SLC7A1: variants seen among roughly 807,000 people sequenced by gnomAD.
The protein encoded by SLC7A1 is high affinity cationic amino acid transporter 1.
A neutral mutation model predicts 53.9 loss-of-function variants in SLC7A1; 10 were observed. That is an observed-to-expected ratio of 0.19 (90% CI 0.11 to 0.31). SLC7A1 has a LOEUF of 0.31. Ranked by LOEUF, SLC7A1 falls within the 10% of genes least tolerant of loss-of-function variation. The pLI is 1.00. For synonymous variants in SLC7A1, 342 were observed against 338.7 expected, an observed-to-expected ratio of 1.01 and a Z score of -0.11; for missense variants, 525 against 827.2, an observed-to-expected ratio of 0.63 and a Z score of 4.48.
intron 1 of SLC7A1, among the ~76,000 whole-genome samples, chr13:29,587,887 G>A (rs1372904433): frequency 1.3e-5 from 2 of 152,198 alleles, no homozygotes; most frequent in African/African-American, 2.4e-5. Context: ...GGGTGGTGGA[G>A]GGATCACGAG....
At chr13:29,542,272 T>A (rs1011192743) in intron 2 of SLC7A1, among the ~76,000 whole-genome samples, 10 of 152,220 alleles carry the variant, frequency 6.6e-5, no homozygotes, top group African/African-American at 2.2e-4. Context: ...CTGGCCAACA[T>A]GGTGAAACAC....
At chr13:29,525,755 C>T (rs1016494872) in intron 5 of SLC7A1, among the ~76,000 whole-genome samples, 5 of 152,148 alleles carry the variant, frequency 3.3e-5, no homozygotes, top group Non-Finnish European at 7.3e-5. Context: ...AAGTGATGGA[C>T]GCAGGAAAAA....
At chr13:29,592,402 C>T (rs1471325057) in intron 1 of SLC7A1, among the ~76,000 whole-genome samples, 3 of 152,228 alleles carry the variant, frequency 2.0e-5, no homozygotes, top group African/African-American at 4.8e-5. Context: ...GACCAAATCT[C>T]GACCAGTGGG....
At chr13:29,520,531 C>T (rs1415926032) in intron 8 of SLC7A1, among the ~76,000 whole-genome samples, 1 of 152,176 alleles carries the variant, frequency 6.6e-6, no homozygotes, top group Non-Finnish European at 1.5e-5. Context: ...AAACCTGCAC[C>T]CTTATTTGAA....
At chr13:29,582,427 G>A (rs568965058) in intron 1 of SLC7A1, among the ~76,000 whole-genome samples, 13 of 152,334 alleles carry the variant, frequency 8.5e-5, no homozygotes, top group Middle Eastern at 3.4e-3. Flanking sequence ...GGCCACTAAC[G>A]TAAACGGACT....
chr13:29,516,995 A>T, intron 11 of SLC7A1, 149 bp downstream of exon 11: 1 of 655,068 alleles, frequency 1.5e-6, no homozygotes, highest in Non-Finnish European at 2.5e-6. Context: ...CTGTGCCTTC[A>T]GGACCCCTGC....
At chr13:29,568,041 C>T (rs960688897) in intron 1 of SLC7A1, among the ~76,000 whole-genome samples, 1 of 151,830 alleles carries the variant, frequency 6.6e-6, no homozygotes, top group Admixed American at 6.5e-5. Flanking sequence ...AGGACTCCAT[C>T]GAAAAAATGG....
intron 5 of SLC7A1, among the ~76,000 whole-genome samples, chr13:29,527,809 C>T (rs1391184185): frequency 6.6e-6 from 1 of 152,264 alleles, no homozygotes; most frequent in East Asian, 1.9e-4. Flanking sequence ...ACACCAGCCA[C>T]CCTGACATCA....
intron 4 of SLC7A1, among the ~76,000 whole-genome samples, 180 bp from the exon 5 acceptor site, chr13:29,530,892 G>A (rs11842525): frequency 2.0e-5 from 3 of 152,038 alleles, no homozygotes; most frequent in African/African-American, 7.3e-5. Context: ...CGGGGATCAG[G>A]GGTTTAAATC....
chr13:29,586,496 C>T (rs1181006921), intron 1 of SLC7A1, among the ~76,000 whole-genome samples: 1 of 152,168 alleles, frequency 6.6e-6, no homozygotes, highest in Non-Finnish European at 1.5e-5. Context: ...GATGGTTTCA[C>T]TTTTAACATT....
At chr13:29,526,041 G>A (rs928569335) in intron 5 of SLC7A1, among the ~76,000 whole-genome samples, 2 of 152,230 alleles carry the variant, frequency 1.3e-5, no homozygotes, top group Admixed American at 6.5e-5. Flanking sequence ...AGAGGGGGAG[G>A]ATGAGGCCAA....
rs967089571 is a variant in SLC7A1, at chr13:29,536,168, G to C, written c.21C>G (p.Leu7=). 2 of 1,613,466 alleles carry C rather than the reference G, an allele frequency of 1.2e-6. No individual in the cohort carries two copies. Among genetic ancestry groups the C allele is most frequent in the African/African-American group, 2.7e-5 (2 of 74,924 alleles). Residue 7 remains leucine (L), a synonymous_variant, in exon 3 of 13, where the codon CTC becomes CTG. Coordinates refer to ENST00000380752, the MANE Select transcript of SLC7A1 (RefSeq NM_003045.5). The part of the protein sequence containing the change: MGCKVL[L]NIGQQMLRRK... ...GCCGCAGCATCTGCTGCCCAATGTT[G>C]AGCAGGACTTTGCACCCCATGTTGC... is the stretch of plus-strand genomic sequence containing the variant.
At chr13:29,555,129 C>T (rs1019367492) in intron 1 of SLC7A1, among the ~76,000 whole-genome samples, 14 of 151,488 alleles carry the variant, frequency 9.2e-5, no homozygotes, top group Non-Finnish European at 1.9e-4. Flanking sequence ...GAGGCCGAGG[C>T]GGGCGGATCA....
intron 1 of SLC7A1, among the ~76,000 whole-genome samples, chr13:29,560,587 C>T (rs958413883): frequency 2.0e-5 from 3 of 151,854 alleles, no homozygotes; most frequent in Admixed American, 2.0e-4. Context: ...ATGTACTGTA[C>T]CTAATTGCAT....
intron 1 of SLC7A1, among the ~76,000 whole-genome samples, chr13:29,590,967 G>C (rs529896407): frequency 1.3e-5 from 2 of 152,044 alleles, no homozygotes; most frequent in Non-Finnish European, 2.9e-5. Context: ...AAAATTAGCC[G>C]GGTGTGGTGG....
intron 1 of SLC7A1, among the ~76,000 whole-genome samples, chr13:29,582,240 T>G (rs73454229): frequency 0.044 from 6,699 of 152,310 alleles, 483 homozygotes; most frequent in African/African-American, 0.15. Context: ...TCCATGGGTG[T>G]TCTGTCCTTG....
At chr13:29,526,891 G>T (rs902719178) in intron 5 of SLC7A1, among the ~76,000 whole-genome samples, 1 of 152,112 alleles carries the variant, frequency 6.6e-6, no homozygotes, top group African/African-American at 2.4e-5. Context: ...GCTGTGCTGC[G>T]CCAACTCCAG....
At chr13:29,542,886 TG>T (rs1869730476) in intron 2 of SLC7A1, among the ~76,000 whole-genome samples, 1 of 152,124 alleles carries the variant, frequency 6.6e-6, no homozygotes, top group Non-Finnish European at 1.5e-5. Flanking sequence ...CCAGTCTCAC[TG>T]GGCAGCGGCT....
At chr13:29,573,015 T>C (rs1871265525) in intron 1 of SLC7A1, among the ~76,000 whole-genome samples, 2 of 152,158 alleles carry the variant, frequency 1.3e-5, no homozygotes, top group African/African-American at 4.8e-5. Context: ...GAAACCTTTC[T>C]TGAAAATGCA....
Sources: gnomAD v4.1 joint callset for allele counts (sites outside exome capture counted in the v4.1 genomes callset) on GRCh38, gnomAD v4.1.1 for gene constraint, MANE v1.5 for transcripts, NCBI Gene and HGNC (gene_info 2026-07-23, HGNC 2026-07-21) for gene names.